The following SLC16A2 variants were observed in gnomAD, a reference collection of about 807,000 sequenced individuals.
SLC16A2 encodes the protein solute carrier family 16 member 2, also known as monocarboxylate transporter 8.
Under a neutral mutation model 27.2 loss-of-function variants are expected in SLC16A2, and 3 were observed. The ratio of observed to expected loss-of-function variants is 0.11; its 90% CI spans 0.05 to 0.28. The LOEUF (loss-of-function observed/expected upper bound fraction) is 0.28, where lower values mean the gene tolerates loss of function less well. SLC16A2 is among the 10% of genes least tolerant of loss of function. The probability of loss-of-function intolerance (pLI) is 1.00; values close to 1 mark genes in which losing one functional copy is unlikely to be tolerated. For synonymous variants in SLC16A2, 202 were observed against 187.8 expected (o/e 1.08, Z -0.62); for missense variants, 295 against 458.5 (o/e 0.64, Z 3.26).
intron 1 of SLC16A2, among the ~76,000 whole-genome samples, chrX:74,434,981 G>A (rs1224356445): frequency 1.0e-4 from 10 of 100,380 alleles, no homozygotes; most frequent in Non-Finnish European, 8.0e-5. Context: ...ATGCCACCAT[G>A]CCCAGCTAAT....
intron 1 of SLC16A2, among the ~76,000 whole-genome samples, chrX:74,463,190 C>A (rs1929186395): frequency 9.0e-6 from 1 of 111,562 alleles, no homozygotes; most frequent in African/African-American, 3.3e-5. Context: ...CTGACAAGTG[C>A]CTCCATCACA....
At chrX:74,503,848 G>T (rs747022949) in intron 1 of SLC16A2, among the ~76,000 whole-genome samples, 4 of 112,248 alleles carry the variant, frequency 3.6e-5, no homozygotes, top group Non-Finnish European at 7.5e-5. Flanking sequence ...GTGTGACCTA[G>T]TCTACTTACC....
chrX:74,505,602 C>T (rs754002986), intron 1 of SLC16A2, among the ~76,000 whole-genome samples: 188 of 112,110 alleles, frequency 1.7e-3, no homozygotes, highest in Non-Finnish European at 3.0e-3. Context: ...TAGCAGCAGG[C>T]CCCCTGACGG....
At chrX:74,460,903 G>A (rs765654514) in intron 1 of SLC16A2, among the ~76,000 whole-genome samples, 5 of 111,150 alleles carry the variant, frequency 4.5e-5, no homozygotes, top group South Asian at 3.8e-4. Context: ...CACCTGCCTC[G>A]GCCTCCCAAA....
Position 74,533,096 on chromosome X carries a change from C to T in SLC16A2, c.*1543C>T, listed in dbSNP as rs1930595971. On this transcript the variant is annotated 3_prime_UTR_variant, in exon 6 of 6. Coordinates refer to ENST00000587091, the MANE Select transcript of SLC16A2 (RefSeq NM_006517.5). ...GTGTTCCTGTCACCCACCCTTTCATCATCTTTTTGCCAGGCATTCCTGGCT... is the reference window on the plus strand; with the variant it reads ...GTGTTCCTGTCACCCACCCTTTCATTATCTTTTTGCCAGGCATTCCTGGCT... 1 of 112,196 alleles carries T rather than the reference C, an allele frequency of 8.9e-6. No homozygotes were observed. Among genetic ancestry groups the T allele is most frequent in the Non-Finnish European group, 1.9e-5 (1 of 53,122 alleles). 9.2% of individuals were successfully genotyped at this position (112,196 alleles called of 1,213,427 possible).
chrX:74,473,942 T>C (rs1157102326), intron 1 of SLC16A2: 2 of 374,114 alleles, frequency 5.3e-6, no homozygotes, highest in African/African-American at 2.5e-5. Flanking sequence ...TAGGAGATGC[T>C]GACTTAGACA....
chrX:74,498,535 C>T (rs997039111), intron 1 of SLC16A2, among the ~76,000 whole-genome samples: 3 of 111,351 alleles, frequency 2.7e-5, no homozygotes, highest in African/African-American at 9.8e-5. Flanking sequence ...AAACTCTAAC[C>T]TCTGAGCCTT....
intron 1 of SLC16A2, among the ~76,000 whole-genome samples, chrX:74,426,395 G>A (rs1477057040): frequency 1.8e-5 from 2 of 111,917 alleles, no homozygotes; most frequent in Non-Finnish European, 3.8e-5. Context: ...TAAGAGATTG[G>A]GTCATTTGGA....
chrX:74,458,868 A>G (rs1317596230), intron 1 of SLC16A2, among the ~76,000 whole-genome samples: 1 of 110,738 alleles, frequency 9.0e-6, no homozygotes, highest in African/African-American at 3.3e-5. Flanking sequence ...GTGAGATCAT[A>G]CAGTATTTGT....
intron 1 of SLC16A2, among the ~76,000 whole-genome samples, chrX:74,517,921 A>G (rs961103237): frequency 8.9e-6 from 1 of 112,221 alleles, no homozygotes; most frequent in Non-Finnish European, 1.9e-5. Context: ...TACTTAGCAT[A>G]ACGCCTTTGA....
intron 1 of SLC16A2, among the ~76,000 whole-genome samples, chrX:74,428,093 C>G (rs1440016681): frequency 1.0e-5 from 1 of 98,493 alleles, no homozygotes; most frequent in African/African-American, 3.7e-5. Flanking sequence ...TTGCAAGTCT[C>G]TTTCTCCCTT....
rs1440099715 is a variant in SLC16A2, at chrX:74,474,813, CA to C, written c.431-46176del. Among the ~76,000 whole-genome samples the C allele has an allele frequency of 7.2e-5, 8 of 110,811 alleles. No individual in the cohort carries two copies. The Admixed American group carries it at 7.7e-4, about 11-fold the overall frequency. On this transcript the variant is annotated intron_variant, in intron 1 of 5. Transcript: ENST00000587091. Reference sequence around the variant, plus strand: ...GTCCCTACAAAGGACATGAACTCATCATTTTTTATGGCTGCATAGTATTCCA... The same window carrying C: ...GTCCCTACAAAGGACATGAACTCATCTTTTTTATGGCTGCATAGTATTCCA...
In SLC16A2 at chrX:74,421,536, G is replaced by GGCAGCAGCAGCCCTCCGA. The variant is rs1928291761; in HGVS notation, c.-90_-73dup. The GGCAGCAGCAGCCCTCCGA allele has an allele frequency of 1.9e-6, 2 of 1,052,678 alleles. No homozygotes were observed. The allele number at this position is 1,052,678 out of a possible 1,213,427, so 86.8% of individuals were successfully genotyped here. ...GCCTGGAGGAGGAGGCAGCGGCAGCGGCAGCAGCAGCCCTCCGAGCAGCAG... is the reference window on the plus strand; with the variant it reads ...GCCTGGAGGAGGAGGCAGCGGCAGCGGCAGCAGCAGCCCTCCGAGCAGCAGCAGCCCTCCGAGCAGCAG... On this transcript the variant is annotated 5_prime_UTR_variant, in exon 1 of 6. Transcript: ENST00000587091.
chrX:74,443,956 G>C (rs181283973), intron 1 of SLC16A2, among the ~76,000 whole-genome samples: 248 of 111,428 alleles, frequency 2.2e-3, no homozygotes, highest in African/African-American at 7.6e-3. Flanking sequence ...GGCTCACAGA[G>C]TAATATTATC....
rs1184387213 is a variant in SLC16A2 at position 74,500,141 on chromosome X, G to A, written c.431-20849G>A. The stretch of plus-strand genomic sequence containing the variant: ...ATGTCAAAACTGTCTTGGGACACAA[G>A]ACAGTTTGTGCACATTCTCTATAAA... On this transcript the variant is annotated intron_variant, in intron 1 of 5. Transcript: ENST00000587091. Among the ~76,000 whole-genome samples the A allele has an allele frequency of 6.0e-5, 5 of 82,913 alleles. No individual in the cohort carries two copies. The East Asian group carries it at 1.4e-3, about 24-fold the overall frequency. The allele number at this position is 82,913 out of a possible 115,157, so 72.0% of individuals were successfully genotyped here. A position where few individuals can be genotyped will look rare whatever the true frequency, so the allele number is the denominator to read the frequency against.
At chrX:74,493,143 C>G (rs1929862823) in intron 1 of SLC16A2, among the ~76,000 whole-genome samples, 1 of 111,813 alleles carries the variant, frequency 8.9e-6, no homozygotes, top group Non-Finnish European at 1.9e-5. Context: ...TAGTGTGGCT[C>G]TGGGAAGTGC....
At chrX:74,428,378 T>C (rs1417286704) in intron 1 of SLC16A2, among the ~76,000 whole-genome samples, 1 of 111,707 alleles carries the variant, frequency 9.0e-6, no homozygotes, top group Non-Finnish European at 1.9e-5. Context: ...TTTCCAGCAT[T>C]GGTGGGAGAA....
chrX:74,428,050 G>T (rs1378292144), intron 1 of SLC16A2, among the ~76,000 whole-genome samples: 1 of 110,951 alleles, frequency 9.0e-6, no homozygotes, highest in African/African-American at 3.3e-5. Flanking sequence ...GGACCCATTT[G>T]CAACTCCCCA....
Position 74,501,596 on chromosome X carries a change from C to G in SLC16A2, c.431-19394C>G, listed in dbSNP as rs375053459. On this transcript the variant is annotated intron_variant, in intron 1 of 5. Coordinates refer to ENST00000587091, the MANE Select transcript of SLC16A2 (RefSeq NM_006517.5). ...CTACTGCTGTCTCTGGTGGGCCCCCCCTCTGCTCCAGCAAAAGTTACCACA... is the reference window on the plus strand; with the variant it reads ...CTACTGCTGTCTCTGGTGGGCCCCCGCTCTGCTCCAGCAAAAGTTACCACA... Among the ~76,000 whole-genome samples the G allele has an allele frequency of 1.3e-4, 15 of 111,325 alleles. No homozygotes were observed. In the East Asian group the frequency reaches 4.0e-3, roughly 29 times the overall value.
Sources: allele counts gnomAD v4.1 joint callset (sites outside exome capture counted in the v4.1 genomes callset), GRCh38; gene constraint gnomAD v4.1.1; transcripts MANE v1.5; gene names NCBI Gene and HGNC (gene_info 2026-07-23, HGNC 2026-07-21).